The following GRID2 variants were observed in gnomAD, a reference collection of about 807,000 sequenced individuals.
GRID2 encodes the protein glutamate ionotropic receptor delta type subunit 2.
Under a neutral mutation model 114.8 loss-of-function variants are expected in GRID2, and 33 were observed. The observed-to-expected ratio is 0.29, with a 90% CI of 0.22 to 0.38. The LOEUF is 0.38. GRID2 is among the 10% of genes least tolerant of loss of function. The pLI is 1.00. For synonymous variants in GRID2, 505 were observed against 449.9 expected (o/e 1.12, Z -1.55); for missense variants, 1,184 against 1,257.7 (o/e 0.94, Z 0.89).
chr4:93,535,288 A>G (rs577351045), intron 13 of GRID2, among the ~76,000 whole-genome samples: 1 of 151,132 alleles, frequency 6.6e-6, no homozygotes, highest in African/African-American at 2.4e-5. Flanking sequence ...TTCTTTATCT[A>G]TTCATACACT....
chr4:92,630,691 G>A (rs1730762875), intron 2 of GRID2, among the ~76,000 whole-genome samples: 1 of 151,972 alleles, frequency 6.6e-6, no homozygotes, highest in Non-Finnish European at 1.5e-5. Context: ...GTAGGTATTT[G>A]TAACATTAAT....
chr4:93,142,937 G>A (rs551675428), intron 4 of GRID2, among the ~76,000 whole-genome samples: 5 of 152,162 alleles, frequency 3.3e-5, no homozygotes, highest in African/African-American at 7.2e-5. Context: ...CAGCATTCAC[G>A]TTGGTTTCAC....
chr4:92,560,540 T>G (rs769512004), intron 1 of GRID2, among the ~76,000 whole-genome samples: 3 of 152,190 alleles, frequency 2.0e-5, no homozygotes, highest in Non-Finnish European at 4.4e-5. Context: ...TGATAGTGTT[T>G]AATCCTTTAT....
In GRID2 at chr4:92,611,806, G is replaced by C. The variant is rs1029905818; in HGVS notation, c.244+21520G>C. On this transcript the variant is annotated intron_variant, in intron 2 of 15. Coordinates refer to ENST00000282020, the MANE Select transcript of GRID2 (RefSeq NM_001510.4). ...ATCTGTGTATTTTCTTTGATGAAGTGCTTGTTCCAATCATGCATACATATT... is the reference window on the plus strand; with the variant it reads ...ATCTGTGTATTTTCTTTGATGAAGTCCTTGTTCCAATCATGCATACATATT... Among the ~76,000 whole-genome samples, 5 of 151,438 alleles carry C rather than the reference G, an allele frequency of 3.3e-5. No individual in the cohort carries two copies. The Admixed American group carries it at 3.3e-4, about 10-fold the overall frequency.
intron 2 of GRID2, among the ~76,000 whole-genome samples, chr4:92,681,612 G>T (rs1733653525): frequency 6.6e-6 from 1 of 152,004 alleles, no homozygotes; most frequent in Non-Finnish European, 1.5e-5. Flanking sequence ...AATGGGTGCA[G>T]CACACCAACA....
chr4:93,025,919 C>A (rs1723843570), intron 2 of GRID2, among the ~76,000 whole-genome samples: 1 of 151,592 alleles, frequency 6.6e-6, no homozygotes, highest in Non-Finnish European at 1.5e-5. Flanking sequence ...GAAATGGAAC[C>A]AAGTTAATCT....
At chr4:92,377,545 G>A (rs1729413377) in intron 1 of GRID2, among the ~76,000 whole-genome samples, 1 of 152,108 alleles carries the variant, frequency 6.6e-6, no homozygotes, top group Non-Finnish European at 1.5e-5. Context: ...ACATTGTCAT[G>A]TATCTTTTCA....
intron 1 of GRID2, among the ~76,000 whole-genome samples, chr4:92,485,576 G>A (rs1223479145): frequency 6.6e-6 from 1 of 151,466 alleles, no homozygotes; most frequent in Non-Finnish European, 1.5e-5. Flanking sequence ...TGTTGTCCCA[G>A]CTACTTGGTA....
rs188972902 is a variant in GRID2, at chr4:92,311,916, C to T, written c.88+7172C>T. Among the ~76,000 whole-genome samples, 9 of 151,646 alleles carry T rather than the reference C, an allele frequency of 5.9e-5. 1 individual carries two copies. The highest frequency in any genetic ancestry group is 1.2e-4 in the Non-Finnish European group (8 of 67,832). ...ACTTACATTCTCATGGAAGAGGCAA[C>T]CAGATAAGAAAATATATGATGTAAT... On this transcript the variant is annotated intron_variant, in intron 1 of 15. Coordinates refer to ENST00000282020, the MANE Select transcript of GRID2 (RefSeq NM_001510.4).
chr4:92,582,292 A>G (rs1728220691), intron 1 of GRID2, among the ~76,000 whole-genome samples: 1 of 152,014 alleles, frequency 6.6e-6, no homozygotes, highest in Admixed American at 6.6e-5. Flanking sequence ...TTAGAAATTG[A>G]AAGGCTAGAG....
intron 2 of GRID2, among the ~76,000 whole-genome samples, chr4:93,001,682 G>C (rs955321515): frequency 1.3e-5 from 2 of 151,692 alleles, no homozygotes; most frequent in Non-Finnish European, 3.0e-5. Context: ...ATGGGTTAAA[G>C]GAAAGAGAGG....
At chr4:93,671,060 A>T (rs1016764200) in intron 14 of GRID2, among the ~76,000 whole-genome samples, 3 of 152,130 alleles carry the variant, frequency 2.0e-5, no homozygotes, top group African/African-American at 7.2e-5. Context: ...GGGAGGGGGA[A>T]TCAAAGTAGC....
intron 11 of GRID2, among the ~76,000 whole-genome samples, 158 bp downstream of exon 11, chr4:93,456,132 A>G (rs1723167154): frequency 6.6e-6 from 1 of 152,154 alleles, no homozygotes; most frequent in Admixed American, 6.6e-5. Context: ...ACTTCCTCCT[A>G]GTGGATCTCA....
At chr4:93,288,948 A>T (rs186234066) in intron 8 of GRID2, among the ~76,000 whole-genome samples, 3 of 152,078 alleles carry the variant, frequency 2.0e-5, no homozygotes, top group Non-Finnish European at 2.9e-5. Context: ...AGTGCTCTAA[A>T]TTTTTTCCTG....
intron 8 of GRID2, among the ~76,000 whole-genome samples, chr4:93,320,282 A>G (rs1173363397): frequency 6.6e-6 from 1 of 152,124 alleles, no homozygotes; most frequent in Admixed American, 6.6e-5. Flanking sequence ...ACGGAAATAT[A>G]AGAAGACAGG....
chr4:93,660,956 C>G lies in GRID2; in HGVS notation c.2360+34521C>G, dbSNP rs532672464. Reference sequence around the variant, plus strand: ...CAGAGGGAGATATTATCTCTCTTATCCACAGGGGGAAAAAAAAAGCAAAAA... The same window carrying G: ...CAGAGGGAGATATTATCTCTCTTATGCACAGGGGGAAAAAAAAAGCAAAAA... On this transcript the variant is annotated intron_variant, in intron 14 of 15. Coordinates refer to ENST00000282020, the MANE Select transcript of GRID2 (RefSeq NM_001510.4). 2.0e-5 allele frequency among the ~76,000 whole-genome samples: 3 copies of G among 152,132 alleles called. No homozygotes were observed. In the South Asian group the frequency reaches 6.2e-4, roughly 32 times the overall value.
intron 1 of GRID2, among the ~76,000 whole-genome samples, chr4:92,413,824 A>G (rs1731453299): frequency 6.6e-6 from 1 of 152,118 alleles, no homozygotes; most frequent in Non-Finnish European, 1.5e-5. Context: ...TAGTATTTTG[A>G]AAGATAAATG....
At chr4:93,345,877 C>A (rs1760175868) in intron 8 of GRID2, among the ~76,000 whole-genome samples, 1 of 151,974 alleles carries the variant, frequency 6.6e-6, no homozygotes, top group Admixed American at 6.6e-5. Flanking sequence ...TCAGTTTTCC[C>A]AATGCACATT....
At chr4:93,174,192 G>A (rs1421143980) in intron 4 of GRID2, among the ~76,000 whole-genome samples, 1 of 152,114 alleles carries the variant, frequency 6.6e-6, no homozygotes, top group Non-Finnish European at 1.5e-5. Flanking sequence ...GTAGTTTCAT[G>A]TGATCACCGC....
Sources: allele counts gnomAD v4.1 joint callset (sites outside exome capture counted in the v4.1 genomes callset), GRCh38; gene constraint gnomAD v4.1.1; transcripts MANE v1.5; gene names NCBI Gene and HGNC (gene_info 2026-07-23, HGNC 2026-07-21).